Variants in SLC39A11 observed in about 807,000 individuals in gnomAD.
SLC39A11 encodes the protein zinc transporter ZIP11.
Under a neutral mutation model 36.1 loss-of-function variants are expected in SLC39A11, and 33 were observed. That is an observed-to-expected ratio of 0.91 (90% CI 0.69 to 1.22). The LOEUF (loss-of-function observed/expected upper bound fraction) is 1.22. SLC39A11 is among the 50% of genes most tolerant of loss of function. The probability of loss-of-function intolerance (pLI) is 0.00; values close to 1 mark genes in which losing one functional copy is unlikely to be tolerated. For missense variants in SLC39A11, 432 were observed against 430.3 expected (o/e 1.00, Z -0.03); for synonymous variants, 166 against 170.3 (o/e 0.97, Z 0.20).
intron 5 of SLC39A11, among the ~76,000 whole-genome samples, chr17:72,873,888 A>G (rs2080768058): frequency 6.6e-6 from 1 of 152,108 alleles, no homozygotes; most frequent in Non-Finnish European, 1.5e-5. Context: ...AGTTTCCCCC[A>G]TGCTATTCTC....
At chr17:72,706,922 G>A (rs1399198551) in intron 7 of SLC39A11, among the ~76,000 whole-genome samples, 2 of 152,174 alleles carry the variant, frequency 1.3e-5, no homozygotes, top group Admixed American at 1.3e-4. Context: ...TGATTCCAAC[G>A]TGTAGTCAAG....
intron 6 of SLC39A11, among the ~76,000 whole-genome samples, chr17:72,769,461 T>C (rs1248174085): frequency 1.3e-5 from 2 of 152,036 alleles, no homozygotes; most frequent in Non-Finnish European, 2.9e-5. Context: ...TAAGGAAAAC[T>C]CAAGCTGGAA....
At chr17:72,722,759 C>A (rs768529095) in intron 7 of SLC39A11, among the ~76,000 whole-genome samples, 3 of 152,078 alleles carry the variant, frequency 2.0e-5, no homozygotes, top group Non-Finnish European at 4.4e-5. Flanking sequence ...CTCAGCCTCC[C>A]GAGTAGCTGG....
intron 3 of SLC39A11, among the ~76,000 whole-genome samples, chr17:73,032,299 C>A (rs190058696): frequency 6.6e-6 from 1 of 152,016 alleles, no homozygotes; most frequent in South Asian, 2.1e-4. Flanking sequence ...CTCCACCTCC[C>A]GGGTTCAAGT....
At chr17:72,932,847 AC>A (rs1415409460) in intron 5 of SLC39A11, among the ~76,000 whole-genome samples, 1 of 152,204 alleles carries the variant, frequency 6.6e-6, no homozygotes, top group African/African-American at 2.4e-5. Flanking sequence ...CAGAATTCAA[AC>A]CCAGTAAGTC....
intron 6 of SLC39A11, among the ~76,000 whole-genome samples, chr17:72,776,268 G>A (rs2567532): frequency 0.59 from 89,413 of 152,032 alleles, 27,499 homozygotes; most frequent in Non-Finnish European, 0.7. Context: ...TGCTTCCCAA[G>A]TGTAAACCAT....
chr17:72,873,756 G>A (rs755754578), intron 5 of SLC39A11, among the ~76,000 whole-genome samples: 1 of 152,104 alleles, frequency 6.6e-6, no homozygotes, highest in Non-Finnish European at 1.5e-5. Context: ...TCTGAACTGG[G>A]TTTCGCTCCC....
At chr17:72,735,677 T>C (rs1258802422) in intron 7 of SLC39A11, among the ~76,000 whole-genome samples, 1 of 152,218 alleles carries the variant, frequency 6.6e-6, no homozygotes, top group Non-Finnish European at 1.5e-5. Flanking sequence ...TCCACCCATT[T>C]TGATGATCTT....
At chr17:73,048,571 T>A (rs2059395648) in intron 3 of SLC39A11, among the ~76,000 whole-genome samples, 1 of 152,180 alleles carries the variant, frequency 6.6e-6, no homozygotes, top group Admixed American at 6.5e-5. Flanking sequence ...GATTGCTGGG[T>A]CAAACGGTAG....
intron 7 of SLC39A11, among the ~76,000 whole-genome samples, chr17:72,710,458 CT>C (rs1323370160): frequency 1.3e-5 from 2 of 152,180 alleles, no homozygotes; most frequent in African/African-American, 4.8e-5. Flanking sequence ...GATTAGTGCT[CT>C]TATAAAAGAG....
chr17:72,890,300 C>G (rs2081662786), intron 5 of SLC39A11, among the ~76,000 whole-genome samples: 1 of 148,876 alleles, frequency 6.7e-6, no homozygotes, highest in Non-Finnish European at 1.5e-5. Context: ...AAAAAAAAAC[C>G]ACCAGAGGCA....
intron 4 of SLC39A11, among the ~76,000 whole-genome samples, chr17:72,960,657 T>TTAAATTA (rs1568026159): frequency 7.2e-5 from 11 of 151,738 alleles, no homozygotes; most frequent in African/African-American, 2.7e-4. Context: ...AAATTAAATT[T>TTAAATTA]AATTAAATTA....
At chr17:72,852,114 A>T (rs2079361914) in intron 5 of SLC39A11, among the ~76,000 whole-genome samples, 1 of 144,254 alleles carries the variant, frequency 6.9e-6, no homozygotes, top group Non-Finnish European at 1.5e-5. Context: ...GTGAGGCAGG[A>T]GAATGGCTTG....
chr17:72,958,754 G>A lies in SLC39A11; in HGVS notation c.307-10879C>T, dbSNP rs1244726066. Among the ~76,000 whole-genome samples the A allele has an allele frequency of 7.2e-5, 11 of 152,148 alleles. No individual in the cohort carries two copies. The East Asian group carries it at 1.9e-3, about 27-fold the overall frequency. ...TAACCTCAGCTACTCGGGAGGCTGAGGTGCAAGAATTGCTTGAACCTGGGA... is the reference window on the plus strand; with the variant it reads ...TAACCTCAGCTACTCGGGAGGCTGAAGTGCAAGAATTGCTTGAACCTGGGA... On this transcript the variant is annotated intron_variant, in intron 4 of 9. Transcript: ENST00000255559.
At chr17:72,931,036 G>A (rs564748434) in intron 5 of SLC39A11, among the ~76,000 whole-genome samples, 3 of 152,292 alleles carry the variant, frequency 2.0e-5, no homozygotes, top group Admixed American at 6.5e-5. Context: ...AAGAGAGCCT[G>A]AGAGAATTCT....
At chr17:72,985,242 C>T (rs1051382416) in intron 4 of SLC39A11, among the ~76,000 whole-genome samples, 1 of 152,176 alleles carries the variant, frequency 6.6e-6, no homozygotes, top group South Asian at 2.1e-4. Flanking sequence ...GTGAGGGCCA[C>T]GCAGACAGCG....
intron 5 of SLC39A11, among the ~76,000 whole-genome samples, chr17:72,923,292 C>A (rs1165275262): frequency 1.3e-5 from 2 of 152,048 alleles, no homozygotes; most frequent in Admixed American, 6.6e-5. Flanking sequence ...ATGTGAAGCT[C>A]ACTACATCCA....
At chr17:72,990,463 G>T (rs1333013491) in intron 4 of SLC39A11, among the ~76,000 whole-genome samples, 1 of 152,066 alleles carries the variant, frequency 6.6e-6, no homozygotes, top group East Asian at 1.9e-4. Context: ...TGTTGCCCAG[G>T]CTGGAGTGTA....
At chr17:72,877,676 T>C (rs958898355) in intron 5 of SLC39A11, among the ~76,000 whole-genome samples, 1 of 152,046 alleles carries the variant, frequency 6.6e-6, no homozygotes, top group Admixed American at 6.6e-5. Context: ...ATGTCCCTAT[T>C]AGGAGCTGGC....
Sources: gnomAD v4.1 joint callset for allele counts (sites outside exome capture counted in the v4.1 genomes callset) on GRCh38, gnomAD v4.1.1 for gene constraint, MANE v1.5 for transcripts, NCBI Gene and HGNC (gene_info 2026-07-23, HGNC 2026-07-21) for gene names.